Variants in ATG7 observed in about 807,000 individuals in gnomAD.
ATG7 encodes the protein autophagy related 7.
A neutral mutation model predicts 82.4 loss-of-function variants in ATG7; 70 were observed. The observed-to-expected ratio is 0.85, with a 90% confidence interval of 0.70 to 1.04. The LOEUF is 1.04. ATG7 is among the 50% of genes least tolerant of loss of function. The pLI is 0.00. For missense variants in ATG7, 792 were observed against 864.3 expected (o/e 0.92, Z 1.05); for synonymous variants, 287 against 313.0 (o/e 0.92, Z 0.88).
intron 19 of ATG7, among the ~76,000 whole-genome samples, chr3:11,397,486 C>G (rs2079409979): frequency 6.6e-6 from 1 of 151,994 alleles, no homozygotes; most frequent in Admixed American, 6.6e-5. Context: ...AAGATGGAGT[C>G]TTGCTCTGTC....
chr3:11,369,706 G>A (rs1440483095), intron 18 of ATG7, among the ~76,000 whole-genome samples: 1 of 151,136 alleles, frequency 6.6e-6, no homozygotes. Context: ...TTCCCTGGAG[G>A]ATAAATTATA....
At chr3:11,432,516 G>T (rs111754082) in intron 20 of ATG7, among the ~76,000 whole-genome samples, 166 of 152,050 alleles carry the variant, frequency 1.1e-3, no homozygotes, top group African/African-American at 3.5e-3. Flanking sequence ...GGGAGGGGGG[G>T]TAAAGGATAA....
chr3:11,419,356 C>T (rs942652942), intron 19 of ATG7, among the ~76,000 whole-genome samples: 9 of 152,154 alleles, frequency 5.9e-5, no homozygotes, highest in Admixed American at 2.6e-4. Flanking sequence ...AGTTCTGAGA[C>T]GAGCCTGGGC....
At chr3:11,509,977 A>G (rs1354927628) in intron 20 of ATG7, among the ~76,000 whole-genome samples, 4 of 152,202 alleles carry the variant, frequency 2.6e-5, no homozygotes, top group Non-Finnish European at 5.9e-5. Context: ...TTTATCAGGG[A>G]AGCTTTCTAA....
chr3:11,412,143 C>T (rs980681676), intron 19 of ATG7, among the ~76,000 whole-genome samples: 1 of 151,612 alleles, frequency 6.6e-6, no homozygotes, highest in African/African-American at 2.4e-5. Context: ...CCCTGACTGA[C>T]TAAAACTAGG....
rs914170614 is a variant in ATG7 at position 11,554,970 on chromosome 3, T to A, written c.*127T>A. The A allele has an allele frequency of 7.7e-5, 93 of 1,202,066 alleles. No homozygotes were observed. Among genetic ancestry groups the A allele is most frequent in the Non-Finnish European group, 1.0e-4 (89 of 874,160 alleles). 74.5% of individuals were successfully genotyped at this position (1,202,066 alleles called of 1,614,324 possible). A position where few individuals can be genotyped will look rare whatever the true frequency, so the allele number is the denominator to read the frequency against. ...CTCCTCCATACCCCGAGGTCTGGGA[T>A]TCCCCCCTCTGCTGCCCAGGAGTGG... On this transcript the variant is annotated 3_prime_UTR_variant, in exon 21 of 21. Transcript: ENST00000693202.
At chr3:11,486,721 T>G (rs571380019) in intron 20 of ATG7, among the ~76,000 whole-genome samples, 1 of 152,314 alleles carries the variant, frequency 6.6e-6, no homozygotes, top group South Asian at 2.1e-4. Context: ...CATCAGTACC[T>G]AATTTATTGA....
intron 14 of ATG7, among the ~76,000 whole-genome samples, chr3:11,350,910 T>G (rs1335161239): frequency 2.3e-5 from 3 of 132,028 alleles, no homozygotes; most frequent in Non-Finnish European, 3.1e-5. Flanking sequence ...GCAACCTAGT[T>G]GAGACCCTAG....
In ATG7 at chr3:11,309,010, T is replaced by C. The variant is rs1404049462; in HGVS notation, c.360T>C (p.Thr120=). The C allele has an allele frequency of 6.2e-7, 1 of 1,613,984 alleles. No individual in the cohort carries two copies. The highest frequency in any genetic ancestry group is 2.2e-5 in the East Asian group (1 of 44,884). ...NEIWESIKSG[T]ALENPVLLNK... Reference sequence around the variant, plus strand: ...TATGGGAATCCATAAAATCAGGCACTGCTCTTGAAAACCCTGTACTCCTCA... The same window carrying C: ...TATGGGAATCCATAAAATCAGGCACCGCTCTTGAAAACCCTGTACTCCTCA... The change falls in exon 7 of 21, where the codon ACT becomes ACC. Residue 120 remains threonine, a synonymous_variant. Coordinates refer to ENST00000693202, the MANE Select transcript of ATG7 (RefSeq NM_001349232.2).
the ATG7 span, among the ~76,000 whole-genome samples, chr3:11,574,785 A>ATATGTGTGTGTGTGTGTGTGTG: frequency 8.2e-6 from 1 of 121,700 alleles, no homozygotes; most frequent in African/African-American, 3.2e-5. Flanking sequence ...TCAACTATAT[A>ATATGTGTGTGTGTGTGTGTGTG]TGTGTGTGTG....
At chr3:11,575,188 G>A in the ATG7 span, among the ~76,000 whole-genome samples, 2,045 of 152,226 alleles carry the variant, frequency 0.013, 24 homozygotes, top group Non-Finnish European at 0.022. Context: ...GCCAATGCCC[G>A]GAGGGTTTCA....
At chr3:11,515,281 C>T (rs1040699136) in intron 20 of ATG7, among the ~76,000 whole-genome samples, 1 of 127,786 alleles carries the variant, frequency 7.8e-6, no homozygotes, top group African/African-American at 2.9e-5. Context: ...TGTTTCTACT[C>T]ACTGTGTCTC....
At chr3:11,467,958 C>T (rs1239968233) in intron 20 of ATG7, among the ~76,000 whole-genome samples, 1 of 152,166 alleles carries the variant, frequency 6.6e-6, no homozygotes, top group African/African-American at 2.4e-5. Context: ...TATACAGTAG[C>T]TGACTTGGAA....
intron 20 of ATG7, among the ~76,000 whole-genome samples, chr3:11,478,867 T>TATTTAATAATAATAAATA (rs2088570828): frequency 6.6e-6 from 1 of 152,192 alleles, no homozygotes; most frequent in African/African-American, 2.4e-5. Flanking sequence ...ATGCATTTAT[T>TATTTAATAATAATAAATA]ATTTAATAAG....
At chr3:11,287,749 A>G (rs1237171424) in intron 3 of ATG7, among the ~76,000 whole-genome samples, 2 of 152,262 alleles carry the variant, frequency 1.3e-5, no homozygotes, top group Admixed American at 6.5e-5. Context: ...CAAGGTGCCT[A>G]TTGCAGGCCA....
rs1436855463 is a variant in ATG7 at position 11,485,730 on chromosome 3, C to G, written c.2079+58804C>G. On this transcript the variant is annotated intron_variant, in intron 20 of 20. Transcript: ENST00000693202. ...AATTAATTTTTGTATAAGGTGTAAG[C>G]AAGGGATCCAGTTTCAGCTTTCTAC... 4.6e-5 allele frequency among the ~76,000 whole-genome samples: 7 copies of G among 152,046 alleles called. No individual in the cohort carries two copies. The East Asian group carries it at 5.8e-4, about 13-fold the overall frequency.
At chr3:11,417,425 C>G (rs1378851651) in intron 19 of ATG7, among the ~76,000 whole-genome samples, 3 of 152,066 alleles carry the variant, frequency 2.0e-5, no homozygotes, top group Non-Finnish European at 4.4e-5. Flanking sequence ...TATGTAATGC[C>G]CTTCTTTATC....
intron 20 of ATG7, among the ~76,000 whole-genome samples, chr3:11,461,224 G>T (rs1185327753): frequency 6.6e-6 from 1 of 152,218 alleles, no homozygotes; most frequent in Non-Finnish European, 1.5e-5. Flanking sequence ...GAGACAGCCT[G>T]CACTGGCATT....
At chr3:11,329,393 G>A (rs540705523) in intron 9 of ATG7, among the ~76,000 whole-genome samples, 6 of 152,240 alleles carry the variant, frequency 3.9e-5, no homozygotes, top group East Asian at 1.9e-4. Context: ...TTTATCAGCC[G>A]TGTTTTCATT....
Sources: allele counts gnomAD v4.1 joint callset (sites outside exome capture counted in the v4.1 genomes callset), GRCh38; gene constraint gnomAD v4.1.1; transcripts MANE v1.5; gene names NCBI Gene and HGNC (gene_info 2026-07-23, HGNC 2026-07-21).